The following WDR70 variants were observed in gnomAD, a reference collection of about 807,000 sequenced individuals.
WDR70 encodes WD repeat domain 70, also known as WD repeat-containing protein 70.
A neutral mutation model predicts 88.6 loss-of-function variants in WDR70; 53 were observed. That is an observed-to-expected ratio of 0.60 (90% CI 0.48 to 0.75). The LOEUF is 0.75. Among genes scored for constraint, WDR70 ranks in the 30% least tolerant of loss-of-function variants. The pLI, the probability that WDR70 is intolerant of heterozygous loss-of-function variation, is 0.00. For missense variants in WDR70, 610 were observed against 823.2 expected (o/e 0.74, Z 3.17); for synonymous variants, 280 against 270.0 (o/e 1.04, Z -0.36).
chr5:37,690,202 T>C (rs1746745584), intron 10 of WDR70, among the ~76,000 whole-genome samples: 1 of 152,096 alleles, frequency 6.6e-6, no homozygotes, highest in African/African-American at 2.4e-5. Flanking sequence ...CCAAGAAATA[T>C]GGGACTATGT....
intron 10 of WDR70, among the ~76,000 whole-genome samples, chr5:37,689,089 C>T (rs11750840): frequency 0.24 from 36,724 of 152,114 alleles, 5,111 homozygotes; most frequent in Admixed American, 0.38. Flanking sequence ...ACTGCTAGCG[C>T]AGCAGTCTGA....
chr5:37,521,740 A>ACACACACACACACC (rs57080738), intron 9 of WDR70, among the ~76,000 whole-genome samples: 22 of 131,160 alleles, frequency 1.7e-4, no homozygotes, highest in African/African-American at 6.4e-4. Flanking sequence ...ACACACACAC[A>ACACACACACACACC]CCCACATGTT....
chr5:37,591,376 T>C (rs1743527416), intron 9 of WDR70, among the ~76,000 whole-genome samples: 1 of 152,202 alleles, frequency 6.6e-6, no homozygotes, highest in Non-Finnish European at 1.5e-5. Context: ...GTGACATCAC[T>C]GTAGAACTTA....
intron 10 of WDR70, among the ~76,000 whole-genome samples, chr5:37,691,555 A>T (rs946183400): frequency 6.6e-6 from 1 of 152,310 alleles, no homozygotes; most frequent in Non-Finnish European, 1.5e-5. Context: ...GGATTAAGAA[A>T]CTCACTCAAA....
At chr5:37,611,725 G>A (rs934676906) in intron 10 of WDR70, among the ~76,000 whole-genome samples, 9 of 149,650 alleles carry the variant, frequency 6.0e-5, no homozygotes, top group Non-Finnish European at 1.2e-4. Flanking sequence ...GTGAAGATGC[G>A]TGAAGAACTC....
Position 37,540,424 on chromosome 5 carries a change from CAGGCTGG to C in WDR70, c.917+23837_917+23843del, listed in dbSNP as rs376636679. On this transcript the variant is annotated intron_variant, in intron 9 of 17. Transcript: ENST00000265107. The stretch of plus-strand genomic sequence containing the variant: ...TGAGATGGAGTCTCACTCTGTTTGC[CAGGCTGG>C]AGTGCAGTGGCACAATCTCGGCTCA... Among the ~76,000 whole-genome samples, 380 of 152,238 alleles carry C rather than the reference CAGGCTGG, an allele frequency of 2.5e-3. 4 individuals carry two copies. Among genetic ancestry groups the C allele is most frequent in the African/African-American group, 8.4e-3 (351 of 41,546 alleles).
intron 8 of WDR70, among the ~76,000 whole-genome samples, chr5:37,504,010 C>T (rs1740479986): frequency 6.6e-6 from 1 of 152,060 alleles, no homozygotes; most frequent in African/African-American, 2.4e-5. Flanking sequence ...GAGCTTTTTA[C>T]CAAACACAGA....
chr5:37,725,317 G>A (rs964221596), intron 16 of WDR70, among the ~76,000 whole-genome samples: 1 of 151,890 alleles, frequency 6.6e-6, no homozygotes, highest in Non-Finnish European at 1.5e-5. Flanking sequence ...AGTTTTCCTA[G>A]CTGGCCTCAG....
intron 5 of WDR70, among the ~76,000 whole-genome samples, chr5:37,404,725 T>A (rs1458612196): frequency 1.3e-5 from 2 of 152,210 alleles, no homozygotes; most frequent in African/African-American, 4.8e-5. Context: ...TTAATTAATT[T>A]ATTTTTCAAT....
chr5:37,717,142 A>T (rs1747675974), intron 13 of WDR70, among the ~76,000 whole-genome samples: 2 of 152,262 alleles, frequency 1.3e-5, no homozygotes, highest in Admixed American at 1.3e-4. Context: ...GGTTTAAAAG[A>T]ATAAGCTTCA....
intron 4 of WDR70, among the ~76,000 whole-genome samples, chr5:37,395,836 T>G (rs1258292607): frequency 1.3e-5 from 2 of 152,218 alleles, no homozygotes; most frequent in Non-Finnish European, 2.9e-5. Context: ...AGGGTCTCAC[T>G]GTTGTTCAGG....
At chr5:37,639,604 C>T (rs2112539463) in intron 10 of WDR70, among the ~76,000 whole-genome samples, 1 of 152,082 alleles carries the variant, frequency 6.6e-6, no homozygotes, top group South Asian at 2.1e-4. Flanking sequence ...TGGCTCTGAC[C>T]TTTTACATGT....
At chr5:37,678,407 G>T (rs1273309957) in intron 10 of WDR70, among the ~76,000 whole-genome samples, 1 of 152,196 alleles carries the variant, frequency 6.6e-6, no homozygotes, top group African/African-American at 2.4e-5. Flanking sequence ...TCCTTCAGGA[G>T]CTCTTTTAGG....
chr5:37,708,544 A>G (rs1747423077), intron 13 of WDR70, among the ~76,000 whole-genome samples: 1 of 152,170 alleles, frequency 6.6e-6, no homozygotes, highest in South Asian at 2.1e-4. Flanking sequence ...ATTTCACAAA[A>G]AAGTTTTTGT....
chr5:37,428,444 C>T (rs1196525334), intron 5 of WDR70, among the ~76,000 whole-genome samples: 1 of 152,134 alleles, frequency 6.6e-6, no homozygotes, highest in Non-Finnish European at 1.5e-5. Flanking sequence ...TCCATTTACC[C>T]CTAATCCCAG....
intron 5 of WDR70, among the ~76,000 whole-genome samples, chr5:37,433,611 A>C (rs896071138): frequency 7.2e-5 from 11 of 152,224 alleles, no homozygotes; most frequent in African/African-American, 1.9e-4. Flanking sequence ...TCTGCCTAGC[A>C]ATTCAAACTC....
chr5:37,655,668 C>T (rs1365580441), intron 10 of WDR70, among the ~76,000 whole-genome samples: 1 of 151,778 alleles, frequency 6.6e-6, no homozygotes, highest in African/African-American at 2.4e-5. Context: ...CTTGTTTTCA[C>T]GCTTTATTTC....
At chr5:37,639,208 G>A (rs977393803) in intron 10 of WDR70, among the ~76,000 whole-genome samples, 2 of 152,140 alleles carry the variant, frequency 1.3e-5, no homozygotes, top group African/African-American at 4.8e-5. Flanking sequence ...GGAAAAACCT[G>A]AGAAATTTCC....
At chr5:37,619,833 TATAATATGTTAGATCCAAA>T (rs2112502011) in intron 10 of WDR70, among the ~76,000 whole-genome samples, 1 of 151,996 alleles carries the variant, frequency 6.6e-6, no homozygotes, top group African/African-American at 2.4e-5. Context: ...AAATGTTTAT[TATAATATGTTAGATCCAAA>T]ATAAAGAGCT....
Sources: gnomAD v4.1 joint callset for allele counts (sites outside exome capture counted in the v4.1 genomes callset) on GRCh38, gnomAD v4.1.1 for gene constraint, MANE v1.5 for transcripts, NCBI Gene and HGNC (gene_info 2026-07-23, HGNC 2026-07-21) for gene names.